SDK1: variants seen among roughly 807,000 people sequenced by gnomAD.
SDK1 encodes the protein protein sidekick-1.
In SDK1, 157 loss-of-function variants were observed where a neutral mutation model predicts 245.5. The observed-to-expected ratio is 0.64, with a 90% CI of 0.56 to 0.73. The LOEUF (loss-of-function observed/expected upper bound fraction) is 0.73. Among genes scored for constraint, SDK1 ranks in the 30% least tolerant of loss-of-function variants. The pLI is 0.00. For synonymous variants in SDK1, 1,647 were observed against 1,278.5 expected, an observed-to-expected ratio of 1.29 and a Z score of -6.15; for missense variants, 3,583 against 3,002.3, an observed-to-expected ratio of 1.19 and a Z score of -4.52.
rs532803721 is a variant in SDK1 at position 4,157,014 on chromosome 7, G to A, written c.4626-1434G>A. Among the ~76,000 whole-genome samples the A allele has an allele frequency of 1.1e-4, 16 of 152,310 alleles. 1 individual carries two copies. In the South Asian group the frequency reaches 1.2e-3, roughly 12 times the overall value. On this transcript the variant is annotated intron_variant, in intron 30 of 44. Coordinates refer to ENST00000404826, the MANE Select transcript of SDK1 (RefSeq NM_152744.4). ...ATGGAGCCCTCATCTATGAAGAGCC[G>A]CTGCCCGCCAGGGAGGAGAACAGAG...
Position 3,355,382 on chromosome 7 carries a change from C to G in SDK1, c.298+53498C>G, listed in dbSNP as rs575154831. Reference sequence around the variant, plus strand: ...CTGGGGTGGAGTGCAATGGTGCGATCGTAGCTCGCCATGGCCTCCAACTCC... The same window carrying G: ...CTGGGGTGGAGTGCAATGGTGCGATGGTAGCTCGCCATGGCCTCCAACTCC... On this transcript the variant is annotated intron_variant, in intron 1 of 44. Coordinates refer to ENST00000404826, the MANE Select transcript of SDK1 (RefSeq NM_152744.4). 8.5e-5 allele frequency among the ~76,000 whole-genome samples: 13 copies of G among 152,304 alleles called. 1 individual carries two copies. The South Asian group carries it at 1.7e-3, about 19-fold the overall frequency.
intron 5 of SDK1, among the ~76,000 whole-genome samples, chr7:3,865,532 AAGGTCTCGCTC>A (rs1196341122): frequency 6.6e-6 from 1 of 152,140 alleles, no homozygotes; most frequent in African/African-American, 2.4e-5. Context: ...TTTTGGAGAC[AAGGTCTCGCTC>A]TGTCGCCCAG....
At chr7:3,794,511 T>C (rs1484982577) in intron 4 of SDK1, among the ~76,000 whole-genome samples, 3 of 152,088 alleles carry the variant, frequency 2.0e-5, no homozygotes, top group African/African-American at 7.2e-5. Context: ...GGCTCATGGA[T>C]TAATGGAATA....
chr7:3,770,584 T>C (rs1780381619), intron 4 of SDK1, among the ~76,000 whole-genome samples: 1 of 152,258 alleles, frequency 6.6e-6, no homozygotes, highest in East Asian at 1.9e-4. Context: ...CTGAGTGGAG[T>C]AGAGAGGCTT....
intron 30 of SDK1, among the ~76,000 whole-genome samples, chr7:4,150,406 C>T (rs1446459996): frequency 1.3e-5 from 2 of 152,174 alleles, no homozygotes; most frequent in Non-Finnish European, 2.9e-5. Context: ...GGTAGAGGGG[C>T]CAAGACGGTT....
At chr7:4,081,857 T>C (rs1026740582) in intron 22 of SDK1, among the ~76,000 whole-genome samples, 3 of 152,218 alleles carry the variant, frequency 2.0e-5, no homozygotes, top group Non-Finnish European at 4.4e-5. Flanking sequence ...TGGTTTTTTA[T>C]TGGCGTATTT....
chr7:3,403,495 TTTTG>T (rs1414195335), intron 1 of SDK1, among the ~76,000 whole-genome samples: 6 of 152,060 alleles, frequency 3.9e-5, no homozygotes, highest in African/African-American at 1.4e-4. Context: ...AAACAGGTCT[TTTTG>T]TTCTAACCGA....
chr7:4,099,952 GA>G (rs1268801345), intron 22 of SDK1, among the ~76,000 whole-genome samples: 1 of 152,062 alleles, frequency 6.6e-6, no homozygotes, highest in East Asian at 2.0e-4. Flanking sequence ...CCTTTAGGGT[GA>G]CCACTGTGGT....
intron 22 of SDK1, among the ~76,000 whole-genome samples, chr7:4,085,128 C>T (rs1022048877): frequency 2.0e-5 from 3 of 152,064 alleles, no homozygotes; most frequent in Non-Finnish European, 4.4e-5. Context: ...ACTCCTAACT[C>T]GATTATCTTC....
At chr7:3,983,538 C>G (rs1052817261) in intron 13 of SDK1, among the ~76,000 whole-genome samples, 2 of 152,198 alleles carry the variant, frequency 1.3e-5, no homozygotes, top group African/African-American at 4.8e-5. Context: ...CTATTGCACA[C>G]TTAATAGACT....
chr7:3,723,593 G>A (rs1056294449), intron 4 of SDK1, among the ~76,000 whole-genome samples: 1 of 151,900 alleles, frequency 6.6e-6, no homozygotes, highest in Non-Finnish European at 1.5e-5. Context: ...TAAAGTATAT[G>A]TTGTTTTCTT....
At chr7:3,912,897 C>T (rs1225736935) in intron 5 of SDK1, among the ~76,000 whole-genome samples, 10 of 152,222 alleles carry the variant, frequency 6.6e-5, no homozygotes, top group South Asian at 4.1e-4. Context: ...CTTTCCACTA[C>T]GACATCTGTT....
intron 1 of SDK1, among the ~76,000 whole-genome samples, chr7:3,540,499 G>A (rs182273465): frequency 3.3e-5 from 5 of 152,250 alleles, no homozygotes; most frequent in East Asian, 3.9e-4. Context: ...CTGAAAAGGC[G>A]CAGTTAAAGA....
At chr7:3,799,432 C>T (rs777591798) in intron 4 of SDK1, among the ~76,000 whole-genome samples, 22 of 151,852 alleles carry the variant, frequency 1.4e-4, no homozygotes, top group Non-Finnish European at 2.9e-4. Flanking sequence ...TGGCCAGGTG[C>T]AGTGGCTCAC....
intron 40 of SDK1, among the ~76,000 whole-genome samples, chr7:4,224,658 A>G (rs1446101567): frequency 1.3e-5 from 2 of 152,094 alleles, no homozygotes; most frequent in African/African-American, 2.4e-5. Flanking sequence ...CCATTCTGAG[A>G]AAGTGTCCTT....
chr7:3,450,406 T>C (rs1780475802), intron 1 of SDK1, among the ~76,000 whole-genome samples: 1 of 152,182 alleles, frequency 6.6e-6, no homozygotes. Context: ...GGTAGCATAA[T>C]AATCTGGGTG....
At chr7:3,352,194 C>T (rs372054563) in intron 1 of SDK1, among the ~76,000 whole-genome samples, 1 of 149,968 alleles carries the variant, frequency 6.7e-6, no homozygotes, top group African/African-American at 2.4e-5. Flanking sequence ...ATGGAAAAAT[C>T]TGTCACTTAA....
In SDK1 at chr7:4,149,418, A is replaced by C. The variant is rs773878318; in HGVS notation, c.4580A>C (p.Tyr1527Ser). 1.4e-5 allele frequency: 22 copies of C among 1,568,480 alleles called. 1 individual carries two copies. The East Asian group carries it at 5.1e-4, about 36-fold the overall frequency. ...RELPRGEWQT[Y>S]SSSISHEATA... is the part of the protein sequence containing the mutation. ...CTGCCTCGGGGTGAGTGGCAGACCT[A>C]CTCCTCGTCCATCAGCCATGAGGCG... Residue 1527 changes from tyrosine (Y) to serine (S), a missense_variant, in exon 30 of 45, where the codon TAC becomes TCC. Coordinates refer to ENST00000404826, the MANE Select transcript of SDK1 (RefSeq NM_152744.4).
At chr7:3,872,334 C>G (rs1168023073) in intron 5 of SDK1, among the ~76,000 whole-genome samples, 1 of 151,980 alleles carries the variant, frequency 6.6e-6, no homozygotes, top group African/African-American at 2.4e-5. Context: ...ATTCCCTTCT[C>G]TTTTATTTTC....
Sources: gnomAD v4.1 joint callset for allele counts (sites outside exome capture counted in the v4.1 genomes callset) on GRCh38, gnomAD v4.1.1 for gene constraint, MANE v1.5 for transcripts, NCBI Gene and HGNC (gene_info 2026-07-23, HGNC 2026-07-21) for gene names.